Variants in CEP72 observed in about 807,000 individuals in gnomAD.
CEP72 encodes the protein centrosomal protein 72, also known as centrosomal protein of 72 kDa.
Under a neutral mutation model 65.7 loss-of-function variants are expected in CEP72, and 78 were observed. The ratio of observed to expected loss-of-function variants is 1.19; its 90% confidence interval spans 0.99 to 1.43. The LOEUF is 1.43. CEP72 is among the 40% of genes most tolerant of loss of function. The pLI is 0.00. For synonymous variants in CEP72, 358 were observed against 351.7 expected (o/e 1.02, Z -0.20); for missense variants, 914 against 832.9 (o/e 1.10, Z -1.20).
At chr5:619,449 A>C (rs1273358674) in intron 2 of CEP72, among the ~76,000 whole-genome samples, 1 of 152,002 alleles carries the variant, frequency 6.6e-6, no homozygotes, top group African/African-American at 2.4e-5. Context: ...TGGTGAGGGG[A>C]GCTGTGCACA....
rs867612532 is a variant in CEP72 at position 628,257 on chromosome 5, A to G, written c.512+3678A>G. Among the ~76,000 whole-genome samples the G allele has an allele frequency of 5.9e-5, 9 of 152,378 alleles. No individual in the cohort carries two copies. The Middle Eastern group carries it at 0.01, about 173-fold the overall frequency. On this transcript the variant is annotated intron_variant, in intron 4 of 11. Transcript: ENST00000264935. The stretch of plus-strand genomic sequence containing the variant: ...TCTTTGATCATCTCAAGACTGAACT[A>G]TCACAGAGATGAGAGTGGAAGATGA...
intron 8 of CEP72, 110 bp downstream of exon 8, chr5:639,334 C>T (rs1737844499): frequency 3.9e-6 from 5 of 1,296,088 alleles, no homozygotes; most frequent in African/African-American, 1.5e-5. Context: ...TCTCCTATGT[C>T]CCCTCCCACG....
intron 2 of CEP72, chr5:664,211 C>G (rs543717958): frequency 6.5e-6 from 1 of 152,704 alleles, no homozygotes; most frequent in South Asian, 2.1e-4. Flanking sequence ...GACGGGCGAA[C>G]GGGAGGGCCG....
chr5:620,332 G>A (rs565845855), intron 3 of CEP72, 71 bp downstream of exon 3: 2 of 1,318,502 alleles, frequency 1.5e-6, no homozygotes, highest in South Asian at 2.5e-5. Flanking sequence ...GTCGTAGTGG[G>A]TGTCTGTGTG....
chr5:662,824 A>G (rs554081670), intron 1 of CEP72: 3 of 152,388 alleles, frequency 2.0e-5, no homozygotes, highest in Admixed American at 1.3e-4. Flanking sequence ...AGGGCTTTGG[A>G]GTTGTGATGG....
intron 4 of CEP72, among the ~76,000 whole-genome samples, chr5:628,532 T>C (rs1736927299): frequency 1.4e-5 from 2 of 139,962 alleles, no homozygotes; most frequent in African/African-American, 5.6e-5. Context: ...TTTGTGCAGC[T>C]TCTGGAGAAC....
At chr5:663,684 G>A (rs1186184896) in intron 2 of CEP72, 2 of 152,392 alleles carry the variant, frequency 1.3e-5, no homozygotes, top group Non-Finnish European at 2.9e-5. Context: ...CCACCCTCCT[G>A]TACTGTGAGC....
At chr5:656,541 C>T (rs748090344), downstream of CEP72, among the ~76,000 whole-genome samples, 2 of 152,128 alleles carry the variant, frequency 1.3e-5, no homozygotes, top group Non-Finnish European at 2.9e-5. Context: ...TTTTGCGATG[C>T]TGTTTTTAAA....
At chr5:648,144 G>C (rs1738547117) in intron 11 of CEP72, among the ~76,000 whole-genome samples, 1 of 152,270 alleles carries the variant, frequency 6.6e-6, no homozygotes, top group Admixed American at 6.5e-5. Context: ...GGATCATGAA[G>C]TGTGACCCAT....
At position 639,122 on chromosome 5, in the gene CEP72, A is replaced by G. The variant is rs771947780; in HGVS notation, c.1240A>G (p.Lys414Glu). The G allele has an allele frequency of 5.0e-6, 8 of 1,613,218 alleles. No individual in the cohort carries two copies. In the Admixed American group the frequency reaches 1.2e-4, roughly 24 times the overall value. ...SPGSHSALPG[K>E]KTALQAALLE... ...CGGGTCACACTCGGCTCTACCCGGG[A>G]AGAAGACGGCCCTGCAGGCGGCGCT... The change falls in exon 8 of 12, where the codon AAG becomes GAG. Residue 414 changes from lysine to glutamate, a missense_variant. By Grantham distance (56) the Lys-to-Glu change is moderately conservative (BLOSUM62 1). Transcript: ENST00000264935.
downstream of CEP72, among the ~76,000 whole-genome samples, chr5:669,561 A>G: frequency 6.6e-6 from 1 of 152,010 alleles, no homozygotes; most frequent in East Asian, 1.9e-4. Flanking sequence ...TGACATGCGG[A>G]CGCCAGGCCT....
rs903982450 is a variant in CEP72, at chr5:624,295, G to A, written c.404-176G>A. Among the ~76,000 whole-genome samples, 2 of 152,204 alleles carry A rather than the reference G, an allele frequency of 1.3e-5. No individual in the cohort carries two copies. The highest frequency in any genetic ancestry group is 6.5e-5 in the Admixed American group (1 of 15,286). ...GAGGGACAGGCGGCCTCAGCACCAC[G>A]CTGGGCATCGCCGGGAAGCTGTGGG... is the stretch of plus-strand genomic sequence containing the variant. On this transcript the variant is annotated intron_variant, in intron 3 of 11. Transcript: ENST00000264935. This position sits in a 1 kb window ranked among gnomAD's most constrained non-coding sequence, Gnocchi z 4.7.
At position 634,304 on chromosome 5, in the gene CEP72, A is replaced by G. The variant is rs567280271; in HGVS notation, c.691+357A>G. 5.7e-4 allele frequency among the ~76,000 whole-genome samples: 87 copies of G among 152,224 alleles called. 1 individual carries two copies. The Middle Eastern group carries it at 0.01, about 18-fold the overall frequency. On this transcript the variant is annotated intron_variant, in intron 5 of 11. Transcript: ENST00000264935. Reference sequence around the variant, plus strand: ...GGCATAGTCACCGAACTTGCAGGAAACCCTGAGCTCAGGCCGCCACGTGCA... The same window carrying G: ...GGCATAGTCACCGAACTTGCAGGAAGCCCTGAGCTCAGGCCGCCACGTGCA...
Position 624,861 on chromosome 5 carries a change from G to T in CEP72, c.512+282G>T, listed in dbSNP as rs1736645160. 6.6e-6 allele frequency among the ~76,000 whole-genome samples: 1 copy of T among 152,168 alleles called. No individual in the cohort carries two copies. On this transcript the variant is annotated intron_variant, in intron 4 of 11. Transcript: ENST00000264935. The surrounding 1 kb of genome is among the most constrained non-coding windows in gnomAD (Gnocchi z 4.7). Reference sequence around the variant, plus strand: ...GGGCTTGTCCTGTCCCTTTCCCGGGGCTGGCAGCTCTCACGTCTGTGGCTG... The same window carrying T: ...GGGCTTGTCCTGTCCCTTTCCCGGGTCTGGCAGCTCTCACGTCTGTGGCTG...
Position 647,903 on chromosome 5 carries a change from C to G in CEP72, c.1765C>G (p.Gln589Glu). Residue 589 changes from glutamine (Q) to glutamate (E), a missense_variant, in exon 11 of 12, where the codon CAG becomes GAG. Coordinates refer to ENST00000264935, the MANE Select transcript of CEP72 (RefSeq NM_018140.4). ...GATCCAGGAGCTCACGCAGATGCTG[C>G]AGGAGAGCCACAGGTGCCTGCCCGT... ...DKIQELTQML[Q>E]ESHSSLVSTN... 6.2e-7 allele frequency: 1 copy of G among 1,610,872 alleles called. No individual in the cohort carries two copies. The highest frequency in any genetic ancestry group is 8.5e-7 in the Non-Finnish European group (1 of 1,179,190).
At chr5:646,204 CCTT>C (rs1226346104) in intron 10 of CEP72, among the ~76,000 whole-genome samples, 2 of 152,242 alleles carry the variant, frequency 1.3e-5, no homozygotes, top group African/African-American at 2.4e-5. Context: ...CTGTTAGACT[CCTT>C]CTTAGCCTTC....
At chr5:622,275 G>T (rs1476533097) in intron 3 of CEP72, among the ~76,000 whole-genome samples, 1 of 152,188 alleles carries the variant, frequency 6.6e-6, no homozygotes, top group African/African-American at 2.4e-5. Flanking sequence ...AGTAACTAAC[G>T]ATCAAAACAA....
At chr5:666,489 G>A (rs1739920731) in intron 4 of CEP72, among the ~76,000 whole-genome samples, 1 of 152,196 alleles carries the variant, frequency 6.6e-6, no homozygotes, top group African/African-American at 2.4e-5. Context: ...ACCTGCTGGG[G>A]CCCCGGCTCT....
chr5:651,706 G>A (rs1304937062), intron 11 of CEP72, among the ~76,000 whole-genome samples: 1 of 152,022 alleles, frequency 6.6e-6, no homozygotes, highest in Non-Finnish European at 1.5e-5. Flanking sequence ...GAGGCGAGCT[G>A]CTGGAGGAGG....
Sources: allele counts gnomAD v4.1 joint callset (sites outside exome capture counted in the v4.1 genomes callset), GRCh38; gene constraint gnomAD v4.1.1; non-coding constraint Gnocchi (gnomAD v3.1); transcripts MANE v1.5; gene names NCBI Gene and HGNC (gene_info 2026-07-23, HGNC 2026-07-21).